The following COL5A2 variants were observed in gnomAD, a reference collection of about 807,000 sequenced individuals.
COL5A2 encodes collagen alpha-2(V) chain.
Under a neutral mutation model 208.2 loss-of-function variants are expected in COL5A2, and 23 were observed. The observed-to-expected ratio is 0.11, with a 90% CI of 0.08 to 0.16. The LOEUF is 0.16. Ranked by LOEUF, COL5A2 falls within the 10% of genes least tolerant of loss-of-function variation. COL5A2 has a pLI of 1.00. For missense variants in COL5A2, 1,590 were observed against 1,956.4 expected, an observed-to-expected ratio of 0.81 and a Z score of 3.53; for synonymous variants, 625 against 628.5, an observed-to-expected ratio of 0.99 and a Z score of 0.08.
rs1408711950 is a variant in COL5A2 at position 189,041,829 on chromosome 2, T to C, written c.3526-136A>G. On this transcript the variant is annotated intron_variant, in intron 49 of 53. Transcript: ENST00000374866. ...ATTCATTTTCTTACTGATTAATAAA[T>C]GAACTTCTGGTACTTTGTAACATTT... 7.8e-6 allele frequency: 5 copies of C among 638,140 alleles called. No homozygotes were observed. In the Admixed American group the frequency reaches 8.1e-5, roughly 10 times the overall value. The allele number at this position is 638,140 out of a possible 1,614,324, so 39.5% of individuals were successfully genotyped here.
intron 3 of COL5A2, among the ~76,000 whole-genome samples, chr2:189,102,994 C>T (rs1318372530): frequency 6.6e-6 from 1 of 152,078 alleles, no homozygotes; most frequent in Non-Finnish European, 1.5e-5. Context: ...CAGCAAATGA[C>T]ACAGCCTACC....
At chr2:189,375,819 A>AC in the COL5A2 span, among the ~76,000 whole-genome samples, 1 of 152,212 alleles carries the variant, frequency 6.6e-6, no homozygotes, top group Admixed American at 6.5e-5. Context: ...ATTATGTATA[A>AC]CCCTTTATAT....
chr2:189,284,093 TTGCTTATATCATATATATGATA>T, the COL5A2 span, among the ~76,000 whole-genome samples: 7 of 152,220 alleles, frequency 4.6e-5, no homozygotes, highest in Non-Finnish European at 1.0e-4. Context: ...ATATCATACA[TTGCTTATATCATATATATGATA>T]TGCTTATGTC....
rs886055358 is a variant in COL5A2 at position 189,092,345 on chromosome 2, G to A, written c.532C>T (p.His178Tyr). The part of the protein sequence containing the change: ...GQPGAPGPPG[H>Y]PSHPGPDGLS... The stretch of plus-strand genomic sequence containing the variant: ...CCATCGGGTCCTGGGTGGGACGGAT[G>A]TCCAGGAGGTCCTGGAGCACCAGGT... Residue 178 changes from histidine to tyrosine, a missense_variant, in exon 7 of 54, where the codon CAT (histidine) becomes TAT (tyrosine). Transcript: ENST00000374866. 3 of 1,609,674 alleles carry A rather than the reference G, an allele frequency of 1.9e-6. No individual in the cohort carries two copies. Among genetic ancestry groups the A allele is most frequent in the South Asian group, 1.1e-5 (1 of 89,844 alleles).
At chr2:189,058,237 T>C (rs578051429) in intron 33 of COL5A2, among the ~76,000 whole-genome samples, 192 bp downstream of exon 33, 1 of 152,160 alleles carries the variant, frequency 6.6e-6, no homozygotes, top group South Asian at 2.1e-4. Context: ...AAGAAGAGAG[T>C]CTTCTTTTTA....
At chr2:189,125,635 C>T (rs1361511977) in intron 1 of COL5A2, among the ~76,000 whole-genome samples, 1 of 152,016 alleles carries the variant, frequency 6.6e-6, no homozygotes, top group Non-Finnish European at 1.5e-5. Context: ...TTCTTAAGAA[C>T]ATCTTCCTTT....
chr2:189,133,354 C>T (rs996439992), intron 1 of COL5A2, among the ~76,000 whole-genome samples: 6 of 151,690 alleles, frequency 4.0e-5, no homozygotes, highest in African/African-American at 7.3e-5. Context: ...CTCTTGACTG[C>T]GTAATCCACC....
At chr2:189,199,861 A>T (rs1489322262) in intron 1 of COL5A2, among the ~76,000 whole-genome samples, 1 of 152,204 alleles carries the variant, frequency 6.6e-6, no homozygotes, top group African/African-American at 2.4e-5. Flanking sequence ...CCTTCTTTGT[A>T]CATCACTATA....
At chr2:189,210,614 A>C (rs943478587) in intron 1 of COL5A2, among the ~76,000 whole-genome samples, 3 of 152,228 alleles carry the variant, frequency 2.0e-5, no homozygotes, top group Non-Finnish European at 2.9e-5. Context: ...AATTCCATCA[A>C]AGTGCTTTAG....
chr2:189,422,118 A>G, the COL5A2 span, among the ~76,000 whole-genome samples: 9 of 152,194 alleles, frequency 5.9e-5, no homozygotes, highest in African/African-American at 1.9e-4. Context: ...CATAGCCACA[A>G]TGACCAAGAA....
At chr2:189,438,896 G>A in the COL5A2 span, among the ~76,000 whole-genome samples, 2 of 152,064 alleles carry the variant, frequency 1.3e-5, no homozygotes, top group African/African-American at 4.8e-5. Flanking sequence ...AATGATCTAG[G>A]AGACCCTATG....
intron 1 of COL5A2, among the ~76,000 whole-genome samples, chr2:189,143,203 G>A (rs957849635): frequency 1.3e-4 from 20 of 152,136 alleles, no homozygotes; most frequent in Admixed American, 1.3e-4. Flanking sequence ...AACTGAGGGG[G>A]CCAGTGGGAA....
upstream of COL5A2, among the ~76,000 whole-genome samples, chr2:189,226,614 G>T (rs1364507010): frequency 6.6e-6 from 1 of 152,110 alleles, no homozygotes; most frequent in African/African-American, 2.4e-5. Context: ...TGTCTTGCCT[G>T]TCTTGGAGCA....
In COL5A2 at chr2:189,130,825, T is replaced by A. The variant is rs556586002; in HGVS notation, c.98-20376A>T. 3.3e-5 allele frequency among the ~76,000 whole-genome samples: 5 copies of A among 152,188 alleles called. No homozygotes were observed. The South Asian group carries it at 8.3e-4, about 25-fold the overall frequency. On this transcript the variant is annotated intron_variant, in intron 1 of 53. Coordinates refer to ENST00000374866, the MANE Select transcript of COL5A2 (RefSeq NM_000393.5). ...AAGCCCAAGTCACATCACAAATGCTTAATATATTTATTTTTATTTATTCAA... is the reference window on the plus strand; with the variant it reads ...AAGCCCAAGTCACATCACAAATGCTAAATATATTTATTTTTATTTATTCAA...
the COL5A2 span, among the ~76,000 whole-genome samples, chr2:189,372,938 C>T: frequency 2.0e-5 from 3 of 152,136 alleles, no homozygotes; most frequent in African/African-American, 7.2e-5. Context: ...TGAACTCACA[C>T]CTCTCTCATC....
chr2:189,041,454 T>C (rs1451384583), intron 50 of COL5A2, 132 bp downstream of exon 50: 1 of 767,664 alleles, frequency 1.3e-6, no homozygotes, highest in East Asian at 2.5e-5. Flanking sequence ...ACTTATACTC[T>C]TGTGTGACTT....
chr2:189,046,442 C>T lies in COL5A2; in HGVS notation c.3202-535G>A, dbSNP rs61325916. 9.2e-3 allele frequency among the ~76,000 whole-genome samples: 1,394 copies of T among 152,264 alleles called. 20 individuals carry two copies. Among genetic ancestry groups the T allele is most frequent in the African/African-American group, 0.032 (1,335 of 41,550 alleles). ...TACCATCTGCAATCTTATTATGATG[C>T]AATGTCCCAAGGAATAAATACCTCT... On this transcript the variant is annotated intron_variant, in intron 45 of 53. Transcript: ENST00000374866.
At chr2:189,428,673 C>T in the COL5A2 span, among the ~76,000 whole-genome samples, 1 of 152,056 alleles carries the variant, frequency 6.6e-6, no homozygotes, top group Non-Finnish European at 1.5e-5. Flanking sequence ...CTGCTTTTGC[C>T]ATGTAAGATG....
At chr2:189,204,054 C>A (rs771305245) in intron 1 of COL5A2, among the ~76,000 whole-genome samples, 1 of 152,128 alleles carries the variant, frequency 6.6e-6, no homozygotes, top group Non-Finnish European at 1.5e-5. Context: ...CCCGCCACCA[C>A]GCCCGGCTAA....
Sources: allele counts gnomAD v4.1 joint callset (sites outside exome capture counted in the v4.1 genomes callset), GRCh38; gene constraint gnomAD v4.1.1; transcripts MANE v1.5; gene names NCBI Gene and HGNC (gene_info 2026-07-23, HGNC 2026-07-21).